SLC22A23: variants seen among roughly 807,000 people sequenced by gnomAD.
SLC22A23 encodes solute carrier family 22 member 23, also known as ion transporter protein.
SLC22A23 carries 26 observed loss-of-function variants against 61.0 expected under a neutral mutation model. The observed-to-expected ratio is 0.43, with a 90% CI of 0.31 to 0.59. SLC22A23 has a LOEUF of 0.59. Ranked by LOEUF, SLC22A23 falls within the 20% of genes least tolerant of loss-of-function variation. The pLI is 0.11. For missense variants in SLC22A23, 796 were observed against 934.7 expected, an observed-to-expected ratio of 0.85 and a Z score of 1.94; for synonymous variants, 430 against 413.9, an observed-to-expected ratio of 1.04 and a Z score of -0.47.
At chr6:3,293,625 T>C (rs1231448481) in intron 5 of SLC22A23, among the ~76,000 whole-genome samples, 1 of 152,238 alleles carries the variant, frequency 6.6e-6, no homozygotes, top group Non-Finnish European at 1.5e-5. Context: ...CCACCTAACC[T>C]GAGCCCTCTG....
chr6:3,415,095 T>C (rs759928665), intron 2 of SLC22A23, among the ~76,000 whole-genome samples: 2 of 152,234 alleles, frequency 1.3e-5, no homozygotes, highest in African/African-American at 4.8e-5. Flanking sequence ...TGTTAATGTA[T>C]GGAACTACTT....
At chr6:3,441,850 C>T (rs1771619303) in intron 1 of SLC22A23, among the ~76,000 whole-genome samples, 1 of 152,180 alleles carries the variant, frequency 6.6e-6, no homozygotes, top group Admixed American at 6.5e-5. Context: ...GTGACACCAG[C>T]CCAGGGCAGA....
rs765352319 is a variant in SLC22A23 at position 3,324,054 on chromosome 6, A to G, written c.914-52T>C. 8.2e-6 allele frequency: 13 copies of G among 1,594,558 alleles called. No homozygotes were observed. The East Asian group carries it at 1.8e-4, about 22-fold the overall frequency. On this transcript the variant is annotated intron_variant, in intron 3 of 9. Transcript: ENST00000406686. The surrounding 1 kb of genome is among the most constrained non-coding windows in gnomAD (Gnocchi z 4.3). ...GATGAGTGCCCTGCTCGACAGCCCGAGAAGTCCTGGGTGCACCTGGGCCAG... is the reference window on the plus strand; with the variant it reads ...GATGAGTGCCCTGCTCGACAGCCCGGGAAGTCCTGGGTGCACCTGGGCCAG...
At chr6:3,412,154 C>G (rs1386042182) in intron 2 of SLC22A23, among the ~76,000 whole-genome samples, 1 of 152,148 alleles carries the variant, frequency 6.6e-6, no homozygotes, top group Non-Finnish European at 1.5e-5. Context: ...TTCCACGTCC[C>G]TGATGCCTAC....
At chr6:3,449,591 G>A (rs1772071446) in intron 1 of SLC22A23, among the ~76,000 whole-genome samples, 2 of 152,164 alleles carry the variant, frequency 1.3e-5, no homozygotes, top group South Asian at 4.1e-4. Context: ...TTCATAACAA[G>A]AGAAATGCAA....
intron 4 of SLC22A23, chr6:3,323,220 G>A (rs1447785900): frequency 2.2e-6 from 1 of 455,546 alleles, no homozygotes; most frequent in African/African-American, 2.0e-5. Flanking sequence ...GCTATTTTTT[G>A]TAAAGGACCA....
rs1763522788 is a variant in SLC22A23 at position 3,330,456 on chromosome 6, C to T, written c.914-6454G>A. On this transcript the variant is annotated intron_variant, in intron 3 of 9. Transcript: ENST00000406686. The surrounding 1 kb of genome is among the most constrained non-coding windows in gnomAD (Gnocchi z 4.7). ...CTCTTACTCGCTGGCCTCACCATCT[C>T]CCAGACCACCATGCGAGCCTCTCTC... 6.6e-6 allele frequency among the ~76,000 whole-genome samples: 1 copy of T among 152,228 alleles called. No individual in the cohort carries two copies. The highest frequency in any genetic ancestry group is 2.4e-5 in the African/African-American group (1 of 41,440).
intron 9 of SLC22A23, among the ~76,000 whole-genome samples, chr6:3,275,606 TG>T (rs1758819584): frequency 1.3e-5 from 2 of 152,358 alleles, no homozygotes; most frequent in South Asian, 4.1e-4. Flanking sequence ...AACTTTTTTT[TG>T]AGAGTCTCAC....
chr6:3,415,124 C>T (rs1051338839), intron 2 of SLC22A23, among the ~76,000 whole-genome samples: 5 of 152,244 alleles, frequency 3.3e-5, no homozygotes, highest in Non-Finnish European at 7.3e-5. Context: ...GCCTGCTACA[C>T]GGTAATCTTT....
rs1051004233 is a variant in SLC22A23, at chr6:3,286,542, A to G, written c.1546+317T>C. Among the ~76,000 whole-genome samples the G allele has an allele frequency of 2.6e-5, 4 of 152,214 alleles. No individual in the cohort carries two copies. The highest frequency in any genetic ancestry group is 4.8e-5 in the African/African-American group (2 of 41,460). ...CCCTTAATGTCACTCGAAAGAGACA[A>G]TCCTTTGTTCTTCTTGGTCATGTGA... On this transcript the variant is annotated intron_variant, in intron 7 of 9. Coordinates refer to ENST00000406686, the MANE Select transcript of SLC22A23 (RefSeq NM_015482.2). This position sits in a 1 kb window ranked among gnomAD's most constrained non-coding sequence, Gnocchi z 4.2.
intron 4 of SLC22A23, among the ~76,000 whole-genome samples, chr6:3,298,444 C>T (rs1022097337): frequency 6.6e-6 from 1 of 151,836 alleles, no homozygotes; most frequent in Non-Finnish European, 1.5e-5. Context: ...AAGTTAACCA[C>T]ATGTTCTCAC....
At chr6:3,411,914 T>C (rs1209328455) in intron 2 of SLC22A23, among the ~76,000 whole-genome samples, 9 of 152,190 alleles carry the variant, frequency 5.9e-5, no homozygotes, top group Admixed American at 2.6e-4. Context: ...ATCTAACTCA[T>C]TGACAAAAAT....
intron 3 of SLC22A23, among the ~76,000 whole-genome samples, chr6:3,340,866 A>G (rs1030418147): frequency 1.3e-5 from 2 of 152,236 alleles, no homozygotes; most frequent in Non-Finnish European, 2.9e-5. Context: ...ATGAGTTTAC[A>G]GGAATGATAT....
Position 3,365,459 on chromosome 6 carries a change from C to T in SLC22A23, c.914-41457G>A, listed in dbSNP as rs183307552. Among the ~76,000 whole-genome samples, 898 of 152,310 alleles carry T rather than the reference C, an allele frequency of 5.9e-3. 14 individuals are homozygous for T. The highest frequency in any genetic ancestry group is 0.041 in the Middle Eastern group (12 of 294). On this transcript the variant is annotated intron_variant, in intron 3 of 9. Transcript: ENST00000406686. The stretch of plus-strand genomic sequence containing the variant: ...ACACAGAACAGAATTTCCTAAAATA[C>T]TGGCTTGTAGATGCGGTTCAGGCAG...
intron 9 of SLC22A23, among the ~76,000 whole-genome samples, chr6:3,281,744 G>T (rs548776796): frequency 1.3e-5 from 2 of 152,082 alleles, no homozygotes; most frequent in Non-Finnish European, 2.9e-5. Context: ...GTGGCCTCCC[G>T]ATGGCACGGG....
At chr6:3,442,286 T>C (rs972073018) in intron 1 of SLC22A23, among the ~76,000 whole-genome samples, 1 of 152,036 alleles carries the variant, frequency 6.6e-6, no homozygotes, top group Non-Finnish European at 1.5e-5. Context: ...TGGGGTTTCA[T>C]GGGGACAGTT....
At chr6:3,377,252 A>G (rs1766631874) in intron 3 of SLC22A23, among the ~76,000 whole-genome samples, 1 of 152,220 alleles carries the variant, frequency 6.6e-6, no homozygotes. Flanking sequence ...GACATTACAG[A>G]AAAAGTTTGC....
chr6:3,425,429 C>T lies in SLC22A23; in HGVS notation c.655-9574G>A, dbSNP rs541755104. 6.6e-5 allele frequency among the ~76,000 whole-genome samples: 10 copies of T among 151,712 alleles called. No homozygotes were observed. The South Asian group carries it at 1.5e-3, about 22-fold the overall frequency. The stretch of plus-strand genomic sequence containing the variant: ...CCTCCCGAGTAGCTGAGACTACAGG[C>T]GCCCGCCACCACGCCCGGCTAATTT... On this transcript the variant is annotated intron_variant, in intron 1 of 9. Coordinates refer to ENST00000406686, the MANE Select transcript of SLC22A23 (RefSeq NM_015482.2).
chr6:3,279,455 G>A (rs1301573585), intron 9 of SLC22A23, among the ~76,000 whole-genome samples: 1 of 131,092 alleles, frequency 7.6e-6, no homozygotes, highest in Non-Finnish European at 1.6e-5. Context: ...AGGTTGCAGT[G>A]AGCCGAGATC....
Sources: allele counts gnomAD v4.1 joint callset (sites outside exome capture counted in the v4.1 genomes callset), GRCh38; gene constraint gnomAD v4.1.1; non-coding constraint Gnocchi (gnomAD v3.1); transcripts MANE v1.5; gene names NCBI Gene and HGNC (gene_info 2026-07-23, HGNC 2026-07-21).